The following ACTN3 variants were observed in gnomAD, a reference collection of about 807,000 sequenced individuals.
ACTN3 encodes actinin alpha 3.
In ACTN3, 91 loss-of-function variants were observed where a neutral mutation model predicts 119.6. The ratio of observed to expected loss-of-function variants is 0.76; its 90% CI spans 0.64 to 0.91. The LOEUF (loss-of-function observed/expected upper bound fraction) is 0.91. ACTN3 is among the 40% of genes least tolerant of loss of function. The pLI, the probability that ACTN3 is intolerant of heterozygous loss-of-function variation, is 0.00. For synonymous variants in ACTN3, 456 were observed against 478.8 expected, an observed-to-expected ratio of 0.95 and a Z score of 0.62; for missense variants, 1,221 against 1,215.1, an observed-to-expected ratio of 1.00 and a Z score of -0.07.
At chr11:66,558,389 G>C (rs187852781) in intron 11 of ACTN3, among the ~76,000 whole-genome samples, 1 of 152,188 alleles carries the variant, frequency 6.6e-6, no homozygotes, top group African/African-American at 2.4e-5. Flanking sequence ...AGTTTGTTTT[G>C]TTTTTTGAGA....
At chr11:66,560,434 G>A in intron 14 of ACTN3, 123 bp downstream of exon 14, 1 of 1,478,928 alleles carries the variant, frequency 6.8e-7, no homozygotes, top group Non-Finnish European at 9.0e-7. Flanking sequence ...CCCGAGTGCT[G>A]GGCTGGAAGA....
At chr11:66,546,834 C>G, upstream of ACTN3, 1 of 1,519,964 alleles carries the variant, frequency 6.6e-7, no homozygotes. Flanking sequence ...CCTCCTCCCC[C>G]ATATTTAGTG....
intron 7 of ACTN3, 56 bp downstream of exon 7, chr11:66,555,423 C>A (rs552499452): frequency 1.3e-6 from 2 of 1,563,644 alleles, no homozygotes; most frequent in African/African-American, 1.4e-5. Context: ...GGGCCTGGTA[C>A]AACCTCCACA....
Position 66,560,722 on chromosome 11 carries a change from C to T in ACTN3, c.1827C>T (p.Leu609=). Reference sequence around the variant, plus strand: ...GCTCCACCAATCCCTACATCACCCTCAGCCCGCAGGACATCAACACCAAGT... The same window carrying T: ...GCTCCACCAATCCCTACATCACCCTTAGCCCGCAGGACATCAACACCAAGT... ...RPCSTNPYIT[L]SPQDINTKWD... Residue 609 remains leucine (L), a synonymous_variant, in exon 15 of 21, where the codon CTC becomes CTT. Coordinates refer to ENST00000513398, the MANE Select transcript of ACTN3 (RefSeq NM_001104.4). 6.2e-7 allele frequency: 1 copy of T among 1,613,596 alleles called. No homozygotes were observed. The highest frequency in any genetic ancestry group is 8.5e-7 in the Non-Finnish European group (1 of 1,179,642).
In ACTN3 at chr11:66,559,030, G is replaced by A. The variant is rs189812225; in HGVS notation, c.1277-206G>A. On this transcript the variant is annotated intron_variant, in intron 11 of 20. Coordinates refer to ENST00000513398, the MANE Select transcript of ACTN3 (RefSeq NM_001104.4). ...GGGCCCCCTGGACGTAGCTCGCTCA[G>A]GGGACGCTGATGTCATTTGCGGATC... is the stretch of plus-strand genomic sequence containing the variant. 1.2e-3 allele frequency: 510 copies of A among 439,746 alleles called. 2 individuals carry two copies. Among genetic ancestry groups the A allele is most frequent in the African/African-American group, 9.5e-3 (468 of 49,236 alleles). 27.2% of individuals were successfully genotyped at this position (439,746 alleles called of 1,614,324 possible).
Position 66,551,656 on chromosome 11 carries a change from G to A in ACTN3, c.382+9G>A, listed in dbSNP as rs776854157. ...GTCCATTGGTGCTGAAGGTGAGGAG[G>A]TGGCAGGAAGGGTCTTGGGCAGGGC... On this transcript the variant is annotated intron_variant, in intron 3 of 20. Transcript: ENST00000513398. The A allele has an allele frequency of 6.2e-7, 1 of 1,613,246 alleles. No individual in the cohort carries two copies. The highest frequency in any genetic ancestry group is 8.5e-7 in the Non-Finnish European group (1 of 1,179,992).
chr11:66,552,828 GC>G (rs1476221248), intron 3 of ACTN3, among the ~76,000 whole-genome samples: 1 of 150,852 alleles, frequency 6.6e-6, no homozygotes, highest in African/African-American at 2.4e-5. Context: ...TTGCACTCCA[GC>G]CTGGGTGACA....
intron 12 of ACTN3, 132 bp from the exon 13 acceptor site, chr11:66,559,836 G>C: frequency 1.1e-6 from 1 of 921,572 alleles, no homozygotes; most frequent in South Asian, 1.6e-5. Context: ...AAAGCACCCA[G>C]CTTTACCCAC....
rs575834618 is a variant in ACTN3 at position 66,557,883 on chromosome 11, T to C, written c.1082T>C (p.Leu361Pro). ...AACACACTGCAGACCAAGTTGCGGCTCAGCCACCGGCCTGCCTTCATGCCC... is the reference window on the plus strand; with the variant it reads ...AACACACTGCAGACCAAGTTGCGGCCCAGCCACCGGCCTGCCTTCATGCCC... Reference protein sequence around the residue: ...NFNTLQTKLRLSHRPAFMPSE... With the variant: ...NFNTLQTKLRPSHRPAFMPSE... The change falls in exon 10 of 21, where the codon CTC (leucine) becomes CCC (proline). Residue 361 changes from leucine (L) to proline (P), a missense_variant. By Grantham distance (98) the Leu-to-Pro change is moderately conservative. This residue lies in a region of ACTN3 where 934 missense variants were observed against 899.9 expected (regional missense o/e 1.04). Coordinates refer to ENST00000513398, the MANE Select transcript of ACTN3 (RefSeq NM_001104.4). The C allele has an allele frequency of 6.2e-7, 1 of 1,613,932 alleles. No homozygotes were observed. Among genetic ancestry groups the C allele is most frequent in the South Asian group, 1.1e-5 (1 of 91,066 alleles).
intron 19 of ACTN3, 123 bp downstream of exon 19, chr11:66,562,445 G>A: frequency 8.6e-7 from 1 of 1,168,872 alleles, no homozygotes; most frequent in Admixed American, 1.8e-5. Context: ...ATCCACACAG[G>A]GGCTAGCAAG....
intron 12 of ACTN3, 24 bp downstream of exon 12, chr11:66,559,410 G>A: frequency 1.4e-6 from 2 of 1,457,886 alleles, no homozygotes; most frequent in African/African-American, 1.5e-5. Flanking sequence ...CGCGGGGCCC[G>A]CCCCCAACAC....
intron 1 of ACTN3, among the ~76,000 whole-genome samples, chr11:66,549,545 A>G (rs190485593): frequency 3.1e-4 from 47 of 152,172 alleles, no homozygotes; most frequent in Non-Finnish European, 4.9e-4. Flanking sequence ...CAGCCTGACC[A>G]ATATGGAGAA....
intron 14 of ACTN3, 113 bp from the exon 15 acceptor site, chr11:66,560,460 C>G: frequency 6.8e-7 from 1 of 1,473,376 alleles, no homozygotes; most frequent in African/African-American, 1.4e-5. Context: ...GGCCGGGGTT[C>G]TTGTGTCAGG....
chr11:66,546,568 T>C, upstream of ACTN3: 1 of 1,535,480 alleles, frequency 6.5e-7, no homozygotes, highest in Non-Finnish European at 8.7e-7. Flanking sequence ...CACGAGGAGC[T>C]CCAGAGGGCA....
intron 3 of ACTN3, 65 bp downstream of exon 3, chr11:66,551,712 CCT>C: frequency 6.3e-7 from 1 of 1,589,384 alleles, no homozygotes; most frequent in East Asian, 2.3e-5. Flanking sequence ...CAGCAAATCA[CCT>C]CTGTGAGCCT....
At position 66,558,084 on chromosome 11, in the gene ACTN3, C is replaced by A. The variant is rs900805525; in HGVS notation, c.1186C>A (p.Leu396Met). ...GGTGGAAAAGGGCTATGAGGACTGG[C>A]TGCTCTCGGAGATCCGGCGCCTGCA... ...EQVEKGYEDWLLSEIRRLQRL... is the reference protein window; with the variant it reads ...EQVEKGYEDWMLSEIRRLQRL... The change falls in exon 11 of 21, where the codon CTG becomes ATG. Residue 396 changes from leucine (L) to methionine (M), a missense_variant. By Grantham distance (15) the Leu-to-Met change is conservative. This residue lies in a region of ACTN3 where 934 missense variants were observed against 899.9 expected (regional missense o/e 1.04). Transcript: ENST00000513398. The A allele has an allele frequency of 1.9e-6, 3 of 1,613,730 alleles. No individual in the cohort carries two copies. Among genetic ancestry groups the A allele is most frequent in the Non-Finnish European group, 2.5e-6 (3 of 1,179,884 alleles).
At position 66,560,201 on chromosome 11, in the gene ACTN3, C is replaced by T. The variant is rs767267555; in HGVS notation, c.1567C>T (p.Arg523Trp). Residue 523 changes from arginine (R) to tryptophan (W), a missense_variant, in exon 14 of 21, where the codon CGG becomes TGG. Coordinates refer to ENST00000513398, the MANE Select transcript of ACTN3 (RefSeq NM_001104.4). ...GGAGAAGCTCCTGGAGACCATTGACCGGCTGCAACTGGAGTTTGCCCGGCG... is the reference window on the plus strand; with the variant it reads ...GGAGAAGCTCCTGGAGACCATTGACTGGCTGCAACTGGAGTTTGCCCGGCG... ...RMEKLLETIDRLQLEFARRAA... is the reference protein window; with the variant it reads ...RMEKLLETIDWLQLEFARRAA... 81 of 1,609,852 alleles carry T rather than the reference C, an allele frequency of 5.0e-5. No individual in the cohort carries two copies. The Admixed American group carries it at 1.0e-3, about 20-fold the overall frequency.
intron 4 of ACTN3, 50 bp from the exon 5 acceptor site, chr11:66,554,486 G>T (rs981945634): frequency 3.5e-6 from 5 of 1,410,760 alleles, no homozygotes; most frequent in Non-Finnish European, 4.8e-6. Flanking sequence ...GTGTGAGAGG[G>T]CTGACCTGGA....
rs1024946537 is a variant in ACTN3 at position 66,561,104 on chromosome 11, G to A, written c.1861-123G>A. The A allele has an allele frequency of 3.7e-6, 5 of 1,337,634 alleles. No individual in the cohort carries two copies. The East Asian group carries it at 7.7e-5, about 21-fold the overall frequency. 82.9% of individuals were successfully genotyped at this position (1,337,634 alleles called of 1,614,324 possible). On this transcript the variant is annotated intron_variant, in intron 15 of 20. Coordinates refer to ENST00000513398, the MANE Select transcript of ACTN3 (RefSeq NM_001104.4). ...TAGTGACTTGCCCAAGAGCTTTCTC[G>A]TATATCCCAGACAAGTTGGCTCAAA...
Sources: gnomAD v4.1 joint callset for allele counts (sites outside exome capture counted in the v4.1 genomes callset) on GRCh38, gnomAD v4.1.1 for gene constraint, gnomAD v4.1.1 regional missense constraint, MANE v1.5 for transcripts, NCBI Gene and HGNC (gene_info 2026-07-23, HGNC 2026-07-21) for gene names.